The following RHOH variants were observed in gnomAD, a reference collection of about 807,000 sequenced individuals.
RHOH encodes the protein ras homolog family member H.
RHOH carries 6 observed loss-of-function variants against 13.8 expected under a neutral mutation model. That is an observed-to-expected ratio of 0.44 (90% CI 0.24 to 0.86). The LOEUF (loss-of-function observed/expected upper bound fraction) is 0.86. RHOH is among the 40% of genes least tolerant of loss of function. The pLI, the probability that RHOH is intolerant of heterozygous loss-of-function variation, is 0.24. For missense variants in RHOH, 147 were observed against 244.5 expected (o/e 0.60, Z 2.66); for synonymous variants, 117 against 103.0 (o/e 1.14, Z -0.82).
intron 1 of RHOH, among the ~76,000 whole-genome samples, chr4:40,204,865 T>C (rs1368064510): frequency 1.3e-5 from 2 of 152,240 alleles, no homozygotes; most frequent in African/African-American, 2.4e-5. Flanking sequence ...AGTTCTGAAT[T>C]CTCTCATGTG....
At chr4:40,193,213 C>CAGAT (rs1722785544), upstream of RHOH, 1 of 152,396 alleles carries the variant, frequency 6.6e-6, no homozygotes, top group African/African-American at 2.4e-5. Context: ...GTGGTGGCTA[C>CAGAT]AGATGGCTTC....
At chr4:40,225,432 C>G (rs28457069) in intron 1 of RHOH, among the ~76,000 whole-genome samples, 18,301 of 152,010 alleles carry the variant, frequency 0.12, 1,120 homozygotes, top group South Asian at 0.19. Context: ...TAACTTGTTT[C>G]TTTTAAAGCT....
chr4:40,195,096 T>A (rs567413597), upstream of RHOH, among the ~76,000 whole-genome samples: 1 of 152,346 alleles, frequency 6.6e-6, no homozygotes, highest in East Asian at 1.9e-4. Context: ...GCATACATTC[T>A]CTGTAATTAA....
At chr4:40,216,485 C>A (rs995100464) in intron 1 of RHOH, among the ~76,000 whole-genome samples, 16 of 151,774 alleles carry the variant, frequency 1.1e-4, no homozygotes, top group Non-Finnish European at 2.4e-4. Flanking sequence ...AAAAAAGAAA[C>A]AAAAAATAAA....
At chr4:40,208,950 G>A (rs1341240100) in intron 1 of RHOH, among the ~76,000 whole-genome samples, 18 of 151,832 alleles carry the variant, frequency 1.2e-4, no homozygotes, top group Admixed American at 1.2e-3. Context: ...AAATAAATAT[G>A]TTAGAAATTA....
In RHOH at chr4:40,230,235, C is replaced by T. The variant is rs1052284076; in HGVS notation, c.-330-12479C>T. 5.3e-5 allele frequency among the ~76,000 whole-genome samples: 8 copies of T among 152,106 alleles called. No homozygotes were observed. In the East Asian group the frequency reaches 1.4e-3, roughly 26 times the overall value. ...TGTATTTTTAGTAGAAACGGGGTTT[C>T]GCCATGTTGGCCAGGCTGGTCTAGA... On this transcript the variant is annotated intron_variant, in intron 1 of 2. Coordinates refer to ENST00000381799, the MANE Select transcript of RHOH (RefSeq NM_004310.5).
chr4:40,231,063 A>C (rs59688237), intron 1 of RHOH, among the ~76,000 whole-genome samples: 4,585 of 152,302 alleles, frequency 0.03, 169 homozygotes, highest in African/African-American at 0.073. Context: ...GCACTTAAGC[A>C]AGGAGAAGAA....
intron 1 of RHOH, among the ~76,000 whole-genome samples, chr4:40,227,100 AG>A (rs1455583025): frequency 6.6e-6 from 1 of 152,126 alleles, no homozygotes; most frequent in Non-Finnish European, 1.5e-5. Context: ...TGGAGGTTGC[AG>A]TGAGCCGATC....
At chr4:40,201,965 T>C (rs1033981546) in intron 1 of RHOH, among the ~76,000 whole-genome samples, 2 of 150,968 alleles carry the variant, frequency 1.3e-5, no homozygotes, top group Non-Finnish European at 3.0e-5. Context: ...TTTTTTTTTT[T>C]TTTTTAAGAC....
In RHOH at chr4:40,246,861, C is replaced by T. The variant is rs1729796053; in HGVS notation, c.*2899C>T. The T allele has an allele frequency of 6.6e-6, 1 of 152,214 alleles. No homozygotes were observed. The highest frequency in any genetic ancestry group is 6.5e-5 in the Admixed American group (1 of 15,276). 9.4% of individuals were successfully genotyped at this position (152,214 alleles called of 1,614,324 possible). On this transcript the variant is annotated 3_prime_UTR_variant, in exon 3 of 3. Coordinates refer to ENST00000381799, the MANE Select transcript of RHOH (RefSeq NM_004310.5). ...TAGATGCAGACACAGGTTTCTTATA[C>T]TTCAAAATTTGTGGTACCTTTTTGT...
Position 40,211,549 on chromosome 4 carries a change from T to C in RHOH, c.-331+14249T>C, listed in dbSNP as rs149036228. ...TCGGCCTCCCAAAGTGTAATGTTGA[T>C]TATTTTTAATGGCAAAAATGAAGTG... On this transcript the variant is annotated intron_variant, in intron 1 of 2. Coordinates refer to ENST00000381799, the MANE Select transcript of RHOH (RefSeq NM_004310.5). Among the ~76,000 whole-genome samples the C allele has an allele frequency of 4.1e-4, 63 of 152,306 alleles. 1 individual carries two copies. The East Asian group carries it at 0.012, about 28-fold the overall frequency.
chr4:40,202,359 G>T (rs980227519), intron 1 of RHOH, among the ~76,000 whole-genome samples: 2 of 152,190 alleles, frequency 1.3e-5, no homozygotes, highest in African/African-American at 2.4e-5. Flanking sequence ...TTCTGATTTT[G>T]TTGTGAATAA....
At chr4:40,196,554 TG>T (rs1377264874), upstream of RHOH, among the ~76,000 whole-genome samples, 1 of 152,188 alleles carries the variant, frequency 6.6e-6, no homozygotes, top group South Asian at 2.1e-4. Context: ...CTCTGTTCTT[TG>T]CAAAATATTT....
chr4:40,216,973 A>G (rs1725966953), intron 1 of RHOH, among the ~76,000 whole-genome samples: 2 of 152,244 alleles, frequency 1.3e-5, no homozygotes, highest in Non-Finnish European at 2.9e-5. Flanking sequence ...CAAGAAACCA[A>G]TATTCCTAGG....
chr4:40,241,358 A>C (rs1417433321), intron 1 of RHOH, among the ~76,000 whole-genome samples: 3 of 152,364 alleles, frequency 2.0e-5, no homozygotes, highest in African/African-American at 7.2e-5. Context: ...TTTGTGCTAA[A>C]TCAGACTCTC....
chr4:40,194,601 C>T (rs1297277910), upstream of RHOH, among the ~76,000 whole-genome samples: 1 of 152,116 alleles, frequency 6.6e-6, no homozygotes, highest in Admixed American at 6.5e-5. Flanking sequence ...GTCTTGGACT[C>T]CTGGGCTCAA....
At chr4:40,222,091 C>A (rs1726653927) in intron 1 of RHOH, among the ~76,000 whole-genome samples, 1 of 152,150 alleles carries the variant, frequency 6.6e-6, no homozygotes, top group African/African-American at 2.4e-5. Flanking sequence ...GAGGAAGCTG[C>A]AGAAGAAAAG....
intron 1 of RHOH, among the ~76,000 whole-genome samples, chr4:40,234,229 C>G (rs566349298): frequency 6.6e-6 from 1 of 152,194 alleles, no homozygotes; most frequent in Non-Finnish European, 1.5e-5. Context: ...TCAGAGACCA[C>G]GTGTCCTTCC....
chr4:40,222,850 C>G (rs1424759925), intron 1 of RHOH, among the ~76,000 whole-genome samples: 1 of 152,154 alleles, frequency 6.6e-6, no homozygotes, highest in Non-Finnish European at 1.5e-5. Flanking sequence ...AAGGATCTAC[C>G]ATTTTAGATG....
Sources: gnomAD v4.1 joint callset for allele counts (sites outside exome capture counted in the v4.1 genomes callset) on GRCh38, gnomAD v4.1.1 for gene constraint, MANE v1.5 for transcripts, NCBI Gene and HGNC (gene_info 2026-07-23, HGNC 2026-07-21) for gene names.